The following C19orf12 variants were observed in gnomAD, a reference collection of about 807,000 sequenced individuals.
C19orf12 encodes protein C19orf12.
C19orf12 carries 2 observed loss-of-function variants against 3.8 expected under a neutral mutation model. The ratio of observed to expected loss-of-function variants is 0.53; its 90% CI spans 0.22 to 1.66. The LOEUF is 1.66. C19orf12 is among the 40% of genes most tolerant of loss of function. C19orf12 has a pLI of 0.20. For missense variants in C19orf12, 156 were observed against 188.8 expected (o/e 0.83, Z 1.02); for synonymous variants, 89 against 84.6 (o/e 1.05, Z -0.28).
At chr19:29,703,533 A>G (rs1431719372) in intron 2 of C19orf12, among the ~76,000 whole-genome samples, 1 of 150,978 alleles carries the variant, frequency 6.6e-6, no homozygotes, top group Admixed American at 6.6e-5. Flanking sequence ...GGCGCACACC[A>G]CCACACCTGG....
intron 2 of C19orf12, among the ~76,000 whole-genome samples, chr19:29,706,364 T>C (rs898105656): frequency 6.6e-6 from 1 of 152,186 alleles, no homozygotes; most frequent in African/African-American, 2.4e-5. Flanking sequence ...ACTGGCTCTT[T>C]GGAGAGGAGA....
intron 2 of C19orf12, chr19:29,705,444 G>T: frequency 3.2e-6 from 1 of 315,260 alleles, no homozygotes. Flanking sequence ...TGCAGAAACT[G>T]GTGAAACCCA....
chr19:29,710,605 T>C (rs10412895), intron 1 of C19orf12, among the ~76,000 whole-genome samples: 15,787 of 152,178 alleles, frequency 0.1, 1,160 homozygotes, highest in East Asian at 0.28. Context: ...CCCCTAGATA[T>C]GTCTTTTTGT....
rs1237245959 is a variant in C19orf12, at chr19:29,700,215, G to C, written c.*2497C>G. 1 of 454,144 alleles carries C rather than the reference G, an allele frequency of 2.2e-6. No homozygotes were observed. The highest frequency in any genetic ancestry group is 4.4e-6 in the Non-Finnish European group (1 of 226,794). 28.1% of individuals were successfully genotyped at this position (454,144 alleles called of 1,614,324 possible). A position where few individuals can be genotyped will look rare whatever the true frequency, so the allele number is the denominator to read the frequency against. ...AGACCAGGACCTGATGCACGAGTAA[G>C]AATGAATGGGGCCCAATCGCCTAAC... On this transcript the variant is annotated 3_prime_UTR_variant, in exon 3 of 3. Transcript: ENST00000323670.
chr19:29,708,134 C>T (rs2145638949), intron 2 of C19orf12, 120 bp downstream of exon 2: 2 of 1,435,612 alleles, frequency 1.4e-6, no homozygotes, highest in East Asian at 2.3e-5. Flanking sequence ...CCGCCTCGGC[C>T]TCCCAAAGTG....
chr19:29,708,224 T>C, intron 2 of C19orf12, 30 bp downstream of exon 2: 2 of 1,607,210 alleles, frequency 1.2e-6, no homozygotes, highest in Non-Finnish European at 1.7e-6. Context: ...TCCCCGAGGC[T>C]GGCTATCTCT....
In C19orf12 at chr19:29,702,535, A is replaced by G; in HGVS notation, c.*177T>C. 1.1e-6 allele frequency: 1 copy of G among 871,400 alleles called. No homozygotes were observed. The highest frequency in any genetic ancestry group is 1.4e-5 in the South Asian group (1 of 71,006). The allele number at this position is 871,400 out of a possible 1,614,324, so 54.0% of individuals were successfully genotyped here. A position where few individuals can be genotyped will look rare whatever the true frequency, so the allele number is the denominator to read the frequency against. On this transcript the variant is annotated 3_prime_UTR_variant, in exon 3 of 3. Transcript: ENST00000323670. ...ACCAACACATGCTGCTTCATCAGTA[A>G]TTTCTGGAACATGACACTGCACAGC...
intron 1 of C19orf12, among the ~76,000 whole-genome samples, chr19:29,712,134 G>A (rs1599553086): frequency 6.6e-6 from 1 of 151,964 alleles, no homozygotes; most frequent in Non-Finnish European, 1.5e-5. Context: ...GGCCGGCCAC[G>A]GTGGCTCACG....
upstream of C19orf12, chr19:29,715,288 G>A: frequency 5.0e-6 from 2 of 396,750 alleles, no homozygotes; most frequent in Non-Finnish European, 9.8e-6. Context: ...CCACCTTCCG[G>A]CTGCGCCGGG....
At chr19:29,714,794 CCCA>C (rs1972874256) in intron 1 of C19orf12, 1 of 244,778 alleles carries the variant, frequency 4.1e-6, no homozygotes, top group Non-Finnish European at 8.2e-6. Context: ...CTCACCCACT[CCCA>C]CCACATCCAC....
chr19:29,710,653 T>C (rs1972617781), intron 1 of C19orf12, among the ~76,000 whole-genome samples: 1 of 152,172 alleles, frequency 6.6e-6, no homozygotes, highest in Non-Finnish European at 1.5e-5. Context: ...GGGCAGGCCT[T>C]GTGAGCCCTG....
At position 29,710,664 on chromosome 19, in the gene C19orf12, C is replaced by T. The variant is rs1972618551; in HGVS notation, c.-10-2241G>A. 2.6e-5 allele frequency among the ~76,000 whole-genome samples: 4 copies of T among 152,202 alleles called. No homozygotes were observed. In the South Asian group the frequency reaches 8.3e-4, roughly 31 times the overall value. Reference sequence around the variant, plus strand: ...GGGAGGGCAGGCCTTGTGAGCCCTGCTCACATAAGGGACTGGAGGAGCACT... The same window carrying T: ...GGGAGGGCAGGCCTTGTGAGCCCTGTTCACATAAGGGACTGGAGGAGCACT... On this transcript the variant is annotated intron_variant, in intron 1 of 2. Transcript: ENST00000323670.
At chr19:29,709,794 T>C (rs1359268996) in intron 1 of C19orf12, among the ~76,000 whole-genome samples, 1 of 152,046 alleles carries the variant, frequency 6.6e-6, no homozygotes, top group Non-Finnish European at 1.5e-5. Context: ...CCTCTCAAAG[T>C]GTTAGGATTA....
Position 29,701,071 on chromosome 19 carries a change from T to C in C19orf12, c.*1641A>G, listed in dbSNP as rs1394601397. 6.6e-6 allele frequency: 3 copies of C among 454,042 alleles called. No homozygotes were observed. Among genetic ancestry groups the C allele is most frequent in the African/African-American group, 6.0e-5 (3 of 50,022 alleles). The allele number at this position is 454,042 out of a possible 1,614,324, so 28.1% of individuals were successfully genotyped here. A position where few individuals can be genotyped will look rare whatever the true frequency, so the allele number is the denominator to read the frequency against. On this transcript the variant is annotated 3_prime_UTR_variant, in exon 3 of 3. Coordinates refer to ENST00000323670, the MANE Select transcript of C19orf12 (RefSeq NM_031448.6). Reference sequence around the variant, plus strand: ...CTCACCTGACCTACTCTTGCATTCTTTAAAGCCACAAATCTGGTACCTTCC... The same window carrying C: ...CTCACCTGACCTACTCTTGCATTCTCTAAAGCCACAAATCTGGTACCTTCC...
rs756732674 is a variant in C19orf12 at position 29,700,558 on chromosome 19, G to A, written c.*2154C>T. 4.4e-6 allele frequency: 2 copies of A among 454,128 alleles called. No homozygotes were observed. Among genetic ancestry groups the A allele is most frequent in the South Asian group, 3.1e-5 (2 of 64,474 alleles). 28.1% of individuals were successfully genotyped at this position (454,128 alleles called of 1,614,324 possible). On this transcript the variant is annotated 3_prime_UTR_variant, in exon 3 of 3. Transcript: ENST00000323670. ...AGGAATGATCAGTTCAACAAGAAAA[G>A]CCACACTCAGTTTTCACAGACAGAC...
rs947454683 is a variant in C19orf12, at chr19:29,702,222, A to C, written c.*490T>G. The stretch of plus-strand genomic sequence containing the variant: ...TAGGGGACGGTTGCACTAGGAGGTA[A>C]ACATGATTCCAGCATGGGCTGCTCC... On this transcript the variant is annotated 3_prime_UTR_variant, in exon 3 of 3. Coordinates refer to ENST00000323670, the MANE Select transcript of C19orf12 (RefSeq NM_031448.6). 1.1e-5 allele frequency: 5 copies of C among 454,488 alleles called. No individual in the cohort carries two copies. The highest frequency in any genetic ancestry group is 2.2e-5 in the Non-Finnish European group (5 of 227,156). The allele number at this position is 454,488 out of a possible 1,614,324, so 28.2% of individuals were successfully genotyped here.
chr19:29,702,640 C>G lies in C19orf12; in HGVS notation c.*72G>C. 1 of 1,604,198 alleles carries G rather than the reference C, an allele frequency of 6.2e-7. No individual in the cohort carries two copies. Among genetic ancestry groups the G allele is most frequent in the Non-Finnish European group, 8.5e-7 (1 of 1,173,988 alleles). Reference sequence around the variant, plus strand: ...CCAGGGGGCATCCGCTGGGCTTCTCCCAACTCCCAAGCCACCTCTTCAGAA... The same window carrying G: ...CCAGGGGGCATCCGCTGGGCTTCTCGCAACTCCCAAGCCACCTCTTCAGAA... On this transcript the variant is annotated 3_prime_UTR_variant, in exon 3 of 3. Coordinates refer to ENST00000323670, the MANE Select transcript of C19orf12 (RefSeq NM_031448.6).
Position 29,702,951 on chromosome 19 carries a change from C to T in C19orf12, c.187G>A (p.Ala63Thr), listed in dbSNP as rs774578581. ...TTAAACTGTCCACTTGTCATCCAGG[C>T]ACCTAACAGCCCCCCGACAGCCCCC... ...VGGAVGGLLG[A>T]WMTSGQFKPV... The change falls in exon 3 of 3, where the codon GCC becomes ACC. Residue 63 changes from alanine (A) to threonine (T), a missense_variant. Ala to Thr is a moderately conservative substitution (Grantham distance 58, BLOSUM62 0). Coordinates refer to ENST00000323670, the MANE Select transcript of C19orf12 (RefSeq NM_031448.6). 2.5e-6 allele frequency: 4 copies of T among 1,614,148 alleles called. No individual in the cohort carries two copies. The South Asian group carries it at 3.3e-5, about 13-fold the overall frequency.
At position 29,713,958 on chromosome 19, in the gene C19orf12, C is replaced by CTTT. The variant is rs1972817345; in HGVS notation, c.-11+1166_-11+1167insAAA. Among the ~76,000 whole-genome samples, 7 of 149,572 alleles carry CTTT rather than the reference C, an allele frequency of 4.7e-5. No homozygotes were observed. In the South Asian group the frequency reaches 1.1e-3, roughly 22 times the overall value. On this transcript the variant is annotated intron_variant, in intron 1 of 2. Transcript: ENST00000323670. The stretch of plus-strand genomic sequence containing the variant: ...TCCCTCTTTCTTTTTTTCTTTCTTT[C>CTTT]CTTCCTTCCTTCCTTCCTTTTCTCT...
Sources: gnomAD v4.1 joint callset for allele counts (sites outside exome capture counted in the v4.1 genomes callset) on GRCh38, gnomAD v4.1.1 for gene constraint, MANE v1.5 for transcripts, NCBI Gene and HGNC (gene_info 2026-07-23, HGNC 2026-07-21) for gene names.